Variants in CA10 observed in about 807,000 individuals in gnomAD.
CA10 encodes carbonic anhydrase-related protein 10.
In CA10, 14 loss-of-function variants were observed where a neutral mutation model predicts 44.2. That is an observed-to-expected ratio of 0.32 (90% CI 0.21 to 0.50). The LOEUF (loss-of-function observed/expected upper bound fraction) is 0.50, where lower values mean the gene tolerates loss of function less well. Among genes scored for constraint, CA10 ranks in the 20% least tolerant of loss-of-function variants. The pLI is 0.99. For synonymous variants in CA10, 159 were observed against 141.6 expected (o/e 1.12, Z -0.87); for missense variants, 350 against 409.7 (o/e 0.85, Z 1.26).
chr17:51,724,657 A>G (rs903145974), intron 4 of CA10, among the ~76,000 whole-genome samples: 4 of 152,182 alleles, frequency 2.6e-5, no homozygotes, highest in Admixed American at 2.0e-4. Flanking sequence ...TATCTGTGCA[A>G]TGTGGAAAAA....
chr17:52,123,369 G>GA (rs1555568605), intron 1 of CA10, among the ~76,000 whole-genome samples: 1 of 32,456 alleles, frequency 3.1e-5, no homozygotes, highest in South Asian at 1.5e-3. Context: ...GTATATATAT[G>GA]GGGTGTGTGT....
At chr17:52,004,778 T>C (rs184798590) in intron 2 of CA10, among the ~76,000 whole-genome samples, 143 of 151,950 alleles carry the variant, frequency 9.4e-4, no homozygotes, top group Admixed American at 1.6e-3. Flanking sequence ...CTCAAAAATA[T>C]GAATGAGATA....
At chr17:51,800,593 C>T (rs937780498) in intron 3 of CA10, among the ~76,000 whole-genome samples, 1 of 152,150 alleles carries the variant, frequency 6.6e-6, no homozygotes, top group Admixed American at 6.5e-5. Flanking sequence ...AACCATACTT[C>T]ATAAAATCTA....
intron 2 of CA10, among the ~76,000 whole-genome samples, chr17:51,931,617 G>A (rs989636553): frequency 2.0e-5 from 3 of 152,132 alleles, no homozygotes; most frequent in Non-Finnish European, 4.4e-5. Context: ...ACTAAACTGA[G>A]GGAGTGACTT....
chr17:51,860,844 G>T (rs1182832535), intron 3 of CA10, among the ~76,000 whole-genome samples: 1 of 152,048 alleles, frequency 6.6e-6, no homozygotes, highest in Non-Finnish European at 1.5e-5. Context: ...GATACACTAA[G>T]ATTTGGGGAA....
intron 2 of CA10, among the ~76,000 whole-genome samples, chr17:52,038,456 C>T (rs1234409728): frequency 1.3e-5 from 2 of 152,126 alleles, no homozygotes; most frequent in South Asian, 2.1e-4. Context: ...CTTCAGGATT[C>T]TGATACCATG....
intron 1 of CA10, among the ~76,000 whole-genome samples, chr17:52,115,399 G>T (rs1159039244): frequency 1.3e-5 from 2 of 152,142 alleles, no homozygotes; most frequent in African/African-American, 4.8e-5. Context: ...ATACGGACCT[G>T]AATGTTTCTT....
intron 4 of CA10, among the ~76,000 whole-genome samples, chr17:51,676,250 G>A (rs866700150): frequency 1.3e-5 from 2 of 152,198 alleles, no homozygotes; most frequent in Admixed American, 6.5e-5. Flanking sequence ...GCCAGGCCCC[G>A]AGTTGAAGAG....
intron 2 of CA10, among the ~76,000 whole-genome samples, chr17:52,069,433 T>C (rs1028154571): frequency 6.6e-6 from 1 of 152,048 alleles, no homozygotes; most frequent in Non-Finnish European, 1.5e-5. Flanking sequence ...CAGACTCTAG[T>C]TGTGGGTAAG....
At chr17:52,061,164 G>A (rs1039586856) in intron 2 of CA10, among the ~76,000 whole-genome samples, 2 of 152,140 alleles carry the variant, frequency 1.3e-5, no homozygotes, top group African/African-American at 4.8e-5. Context: ...TTATGTCAAG[G>A]ATCTTACGAT....
intron 4 of CA10, among the ~76,000 whole-genome samples, chr17:51,705,270 T>C (rs1015083759): frequency 2.0e-5 from 3 of 152,222 alleles, no homozygotes; most frequent in African/African-American, 7.2e-5. Context: ...TCACCATTTC[T>C]TCAGGGACAC....
intron 1 of CA10, among the ~76,000 whole-genome samples, chr17:52,095,740 T>C (rs1034873074): frequency 2.0e-5 from 3 of 152,116 alleles, no homozygotes; most frequent in Non-Finnish European, 2.9e-5. Flanking sequence ...TAGCCTGGGT[T>C]TTGGTATATT....
chr17:51,986,494 A>C (rs910967390), intron 2 of CA10, among the ~76,000 whole-genome samples: 6 of 152,032 alleles, frequency 3.9e-5, no homozygotes, highest in African/African-American at 1.2e-4. Flanking sequence ...GAAAAGAAAA[A>C]AACAATGATA....
At chr17:51,756,361 T>C (rs928373272) in intron 3 of CA10, among the ~76,000 whole-genome samples, 3 of 152,108 alleles carry the variant, frequency 2.0e-5, no homozygotes, top group Admixed American at 6.5e-5. Context: ...AAATTGGCAG[T>C]CCCAGAATTC....
At chr17:52,015,816 C>T (rs1199834085) in intron 2 of CA10, among the ~76,000 whole-genome samples, 1 of 152,126 alleles carries the variant, frequency 6.6e-6, no homozygotes, top group Admixed American at 6.6e-5. Flanking sequence ...TTTCTGTGGA[C>T]AAGTCCTAGG....
intron 3 of CA10, among the ~76,000 whole-genome samples, chr17:51,893,450 TA>T (rs1378015951): frequency 6.6e-6 from 1 of 152,148 alleles, no homozygotes; most frequent in African/African-American, 2.4e-5. Flanking sequence ...CTCTTTGACT[TA>T]AATACAGTGT....
At chr17:51,918,828 G>C (rs1982109720) in intron 3 of CA10, among the ~76,000 whole-genome samples, 1 of 152,158 alleles carries the variant, frequency 6.6e-6, no homozygotes, top group Non-Finnish European at 1.5e-5. Context: ...TACAGAGCAA[G>C]GAACTAAAAC....
At chr17:52,097,695 G>GT (rs2143235160) in intron 1 of CA10, among the ~76,000 whole-genome samples, 1 of 152,142 alleles carries the variant, frequency 6.6e-6, no homozygotes, top group East Asian at 1.9e-4. Flanking sequence ...CACAAATTAA[G>GT]CACTCACCAA....
intron 2 of CA10, among the ~76,000 whole-genome samples, chr17:52,031,989 G>A (rs983345858): frequency 6.6e-6 from 1 of 152,134 alleles, no homozygotes; most frequent in Non-Finnish European, 1.5e-5. Context: ...GAGCTGCCAT[G>A]AGCACAGTAA....
Sources: allele counts gnomAD v4.1 joint callset (sites outside exome capture counted in the v4.1 genomes callset), GRCh38; gene constraint gnomAD v4.1.1; transcripts MANE v1.5; gene names NCBI Gene and HGNC (gene_info 2026-07-23, HGNC 2026-07-21).